The following PAG1 variants were observed in gnomAD, a reference collection of about 807,000 sequenced individuals.
The protein encoded by PAG1 is phosphoprotein membrane anchor with glycosphingolipid microdomains 1, also known as phosphoprotein associated with glycosphingolipid-enriched microdomains 1.
Under a neutral mutation model 31.7 loss-of-function variants are expected in PAG1, and 23 were observed. That is an observed-to-expected ratio of 0.73 (90% CI 0.52 to 1.03). The LOEUF (loss-of-function observed/expected upper bound fraction) is 1.03, where lower values mean the gene tolerates loss of function less well. PAG1 is among the 50% of genes least tolerant of loss of function. The pLI is 0.00. For synonymous variants in PAG1, 214 were observed against 210.3 expected (o/e 1.02, Z -0.15); for missense variants, 473 against 540.7 (o/e 0.87, Z 1.24).
At chr8:81,081,875 G>T (rs1382352518) in intron 1 of PAG1, among the ~76,000 whole-genome samples, 2 of 152,196 alleles carry the variant, frequency 1.3e-5, no homozygotes, top group Non-Finnish European at 2.9e-5. Context: ...AAATAAGGTT[G>T]CTATAAGCAT....
At chr8:80,986,141 G>A (rs80096895) in intron 6 of PAG1, among the ~76,000 whole-genome samples, 1 of 152,158 alleles carries the variant, frequency 6.6e-6, no homozygotes, top group Non-Finnish European at 1.5e-5. Context: ...CACAAAGTAA[G>A]CAAGTTATTC....
chr8:81,104,630 T>C (rs2131127172), intron 1 of PAG1, among the ~76,000 whole-genome samples: 1 of 152,250 alleles, frequency 6.6e-6, no homozygotes, highest in East Asian at 1.9e-4. Flanking sequence ...TCTGTATTCA[T>C]TATCATCTCC....
intron 7 of PAG1, among the ~76,000 whole-genome samples, chr8:80,983,944 A>G (rs1368183109): frequency 2.6e-5 from 4 of 152,240 alleles, no homozygotes; most frequent in Non-Finnish European, 5.9e-5. Context: ...ATTTATACAA[A>G]CAGAGTGAGG....
At chr8:81,007,114 C>T (rs571921928) in intron 3 of PAG1, among the ~76,000 whole-genome samples, 22 of 152,118 alleles carry the variant, frequency 1.4e-4, no homozygotes, top group Non-Finnish European at 2.6e-4. Context: ...TAAAGGCATT[C>T]AACAGAGAGG....
intron 2 of PAG1, among the ~76,000 whole-genome samples, 155 bp downstream of exon 2, chr8:81,069,957 C>T (rs1809067923): frequency 6.6e-6 from 1 of 152,156 alleles, no homozygotes; most frequent in Non-Finnish European, 1.5e-5. Flanking sequence ...AAGCTCATTC[C>T]CTGGATGTTT....
At chr8:80,988,925 A>G (rs1291250333) in intron 5 of PAG1, among the ~76,000 whole-genome samples, 1 of 152,196 alleles carries the variant, frequency 6.6e-6, no homozygotes, top group African/African-American at 2.4e-5. Flanking sequence ...GTATTTCTTT[A>G]AATACCCAAC....
intron 6 of PAG1, among the ~76,000 whole-genome samples, chr8:80,986,686 G>A (rs1807429622): frequency 6.6e-6 from 1 of 152,108 alleles, no homozygotes; most frequent in Non-Finnish European, 1.5e-5. Context: ...TGGAGGGTAT[G>A]GAGGGATTAG....
rs1250496677 is a variant in PAG1, at chr8:80,976,402, G to T, written c.*142C>A. 1 of 805,510 alleles carries T rather than the reference G, an allele frequency of 1.2e-6. No individual in the cohort carries two copies. The highest frequency in any genetic ancestry group is 1.9e-6 in the Non-Finnish European group (1 of 516,380). 49.9% of individuals were successfully genotyped at this position (805,510 alleles called of 1,614,324 possible). On this transcript the variant is annotated 3_prime_UTR_variant, in exon 9 of 9. Transcript: ENST00000220597. ...TGTCTCAGAAACTGAACAACTGGGA[G>T]AACAGTCGACAGGGCCTCTCCAACC...
chr8:81,044,222 C>T (rs1808604055), intron 2 of PAG1, among the ~76,000 whole-genome samples: 1 of 152,202 alleles, frequency 6.6e-6, no homozygotes, highest in Admixed American at 6.5e-5. Context: ...ACTCCCAGTA[C>T]CTCAGAACGT....
chr8:81,089,281 C>T (rs1342300589), intron 1 of PAG1, among the ~76,000 whole-genome samples: 1 of 152,112 alleles, frequency 6.6e-6, no homozygotes, highest in Admixed American at 6.5e-5. Flanking sequence ...CTTAAAGAAC[C>T]CTGATGGGCC....
At chr8:81,021,441 T>C (rs1156491154) in intron 3 of PAG1, among the ~76,000 whole-genome samples, 1 of 148,442 alleles carries the variant, frequency 6.7e-6, no homozygotes, top group Admixed American at 6.9e-5. Flanking sequence ...TTATTTTTGG[T>C]TCCAGGATCC....
chr8:81,081,818 C>A (rs886452756), intron 1 of PAG1, among the ~76,000 whole-genome samples: 3 of 152,194 alleles, frequency 2.0e-5, no homozygotes, highest in Non-Finnish European at 2.9e-5. Context: ...TGTTCAGCCA[C>A]TCATCCATTA....
intron 1 of PAG1, among the ~76,000 whole-genome samples, chr8:81,106,380 AT>A (rs34323983): frequency 0.22 from 32,405 of 147,740 alleles, 4,067 homozygotes; most frequent in Non-Finnish European, 0.28. Flanking sequence ...CTTCTTCCGT[AT>A]TTTTTTTTTT....
Position 81,099,886 on chromosome 8 carries a change from AGAT to A in PAG1, c.-234+11702_-234+11704del, listed in dbSNP as rs567840336. ...TGGCATGTAAACTAGAACTCGATGA[AGAT>A]GATGAAAAACTCATTTCCTAAATTC... On this transcript the variant is annotated intron_variant, in intron 1 of 8. Transcript: ENST00000220597. Among the ~76,000 whole-genome samples, 54 of 152,344 alleles carry A rather than the reference AGAT, an allele frequency of 3.5e-4. No individual in the cohort carries two copies. The South Asian group carries it at 0.011, about 30-fold the overall frequency.
intron 3 of PAG1, among the ~76,000 whole-genome samples, chr8:81,015,741 G>T (rs751633989): frequency 6.6e-6 from 1 of 152,148 alleles, no homozygotes; most frequent in African/African-American, 2.4e-5. Flanking sequence ...ATTGTTGTGA[G>T]CTATAGGTAG....
At chr8:81,030,764 C>T (rs550782923) in intron 2 of PAG1, among the ~76,000 whole-genome samples, 1 of 152,322 alleles carries the variant, frequency 6.6e-6, no homozygotes, top group South Asian at 2.1e-4. Context: ...AGCCCTTCCT[C>T]CTGCCCCCTT....
chr8:80,996,798 G>A (rs1807683116), intron 3 of PAG1, among the ~76,000 whole-genome samples: 1 of 152,228 alleles, frequency 6.6e-6, no homozygotes, highest in Non-Finnish European at 1.5e-5. Context: ...TCTTTTGAGT[G>A]AGGGGAAGGT....
chr8:81,054,708 C>T (rs993994449), intron 2 of PAG1, among the ~76,000 whole-genome samples: 1 of 152,002 alleles, frequency 6.6e-6, no homozygotes, highest in Non-Finnish European at 1.5e-5. Flanking sequence ...ATTAATATTC[C>T]TATCAATCCT....
intron 1 of PAG1, among the ~76,000 whole-genome samples, chr8:81,076,518 A>G (rs1809180746): frequency 6.6e-6 from 1 of 152,204 alleles, no homozygotes; most frequent in Non-Finnish European, 1.5e-5. Flanking sequence ...GGGCTGATAA[A>G]ATATTTCTTT....
Sources: allele counts gnomAD v4.1 joint callset (sites outside exome capture counted in the v4.1 genomes callset), GRCh38; gene constraint gnomAD v4.1.1; transcripts MANE v1.5; gene names NCBI Gene and HGNC (gene_info 2026-07-23, HGNC 2026-07-21).